The following ZFAND3 variants were observed in gnomAD, a reference collection of about 807,000 sequenced individuals.
The protein encoded by ZFAND3 is zinc finger AN1-type containing 3.
A neutral mutation model predicts 29.6 loss-of-function variants in ZFAND3; 10 were observed. That is an observed-to-expected ratio of 0.34 (90% CI 0.21 to 0.57). The LOEUF is 0.57. Among genes scored for constraint, ZFAND3 ranks in the 20% least tolerant of loss-of-function variants. ZFAND3 has a pLI of 0.86. For synonymous variants in ZFAND3, 128 were observed against 112.6 expected (o/e 1.14, Z -0.87); for missense variants, 230 against 304.5 (o/e 0.76, Z 1.82).
chr6:37,865,135 G>A (rs1042336790), intron 1 of ZFAND3, among the ~76,000 whole-genome samples: 4 of 152,114 alleles, frequency 2.6e-5, no homozygotes, highest in Non-Finnish European at 5.9e-5. Context: ...CCGATAGCGT[G>A]CCACTGCACT....
chr6:37,948,069 A>C (rs541302675), intron 2 of ZFAND3, among the ~76,000 whole-genome samples: 70 of 152,292 alleles, frequency 4.6e-4, no homozygotes, highest in African/African-American at 1.6e-3. Context: ...AAGAAAGTGC[A>C]TTCTGCTGTT....
intron 1 of ZFAND3, among the ~76,000 whole-genome samples, chr6:37,914,937 T>C (rs887791575): frequency 1.3e-5 from 2 of 152,174 alleles, no homozygotes; most frequent in Admixed American, 6.6e-5. Context: ...AAGCCCAGCA[T>C]TGACTTATCC....
intron 2 of ZFAND3, among the ~76,000 whole-genome samples, chr6:38,022,466 G>C (rs2127447899): frequency 6.6e-6 from 1 of 152,324 alleles, no homozygotes; most frequent in Middle Eastern, 3.4e-3. Context: ...CCTTGCAACA[G>C]AAATAAGTCA....
At chr6:38,112,743 A>G (rs1487255104) in intron 4 of ZFAND3, among the ~76,000 whole-genome samples, 1 of 152,120 alleles carries the variant, frequency 6.6e-6, no homozygotes, top group Non-Finnish European at 1.5e-5. Flanking sequence ...ATTCATTATC[A>G]TGTCGTTAGA....
chr6:37,891,734 T>C (rs1765106789), intron 1 of ZFAND3, among the ~76,000 whole-genome samples: 1 of 152,184 alleles, frequency 6.6e-6, no homozygotes, highest in Non-Finnish European at 1.5e-5. Context: ...CATTATTCTT[T>C]TTTGTTGTTG....
At chr6:37,848,509 C>T (rs1581706139) in intron 1 of ZFAND3, among the ~76,000 whole-genome samples, 1 of 152,304 alleles carries the variant, frequency 6.6e-6, no homozygotes, top group Non-Finnish European at 1.5e-5. Context: ...GTTATTCTGC[C>T]TATGTGCACT....
At chr6:37,822,737 G>A (rs1295755326) in intron 1 of ZFAND3, among the ~76,000 whole-genome samples, 1 of 152,204 alleles carries the variant, frequency 6.6e-6, no homozygotes, top group Non-Finnish European at 1.5e-5. Flanking sequence ...AGGAAGGGTA[G>A]AAGTAGAGTA....
intron 2 of ZFAND3, among the ~76,000 whole-genome samples, chr6:38,026,360 C>T (rs555596321): frequency 6.6e-6 from 1 of 151,202 alleles, no homozygotes; most frequent in African/African-American, 2.4e-5. Context: ...GATTACTTAG[C>T]CTTGACATTC....
chr6:38,054,306 G>A (rs1288634391), intron 2 of ZFAND3, among the ~76,000 whole-genome samples: 3 of 150,160 alleles, frequency 2.0e-5, no homozygotes, highest in East Asian at 2.0e-4. Context: ...AGGTGGGAGC[G>A]TCACTTGGGC....
At chr6:37,822,710 C>G (rs933213651) in intron 1 of ZFAND3, among the ~76,000 whole-genome samples, 1 of 152,144 alleles carries the variant, frequency 6.6e-6, no homozygotes, top group African/African-American at 2.4e-5. Flanking sequence ...GAAAGTGACA[C>G]TTTAGCCTAG....
At chr6:37,927,712 C>G (rs1761514810) in intron 1 of ZFAND3, among the ~76,000 whole-genome samples, 1 of 152,326 alleles carries the variant, frequency 6.6e-6, no homozygotes, top group Non-Finnish European at 1.5e-5. Flanking sequence ...TGTGCTTCTT[C>G]TAGATGAGAA....
rs147655531 is a variant in ZFAND3 at position 38,119,026 on chromosome 6, C to T, written c.529+2287C>T. 1.6e-3 allele frequency among the ~76,000 whole-genome samples: 241 copies of T among 152,264 alleles called. 5 individuals carry two copies. The East Asian group carries it at 0.045, about 29-fold the overall frequency. On this transcript the variant is annotated intron_variant, in intron 5 of 5. Coordinates refer to ENST00000287218, the MANE Select transcript of ZFAND3 (RefSeq NM_021943.3). ...ACTTTTTCTGTTGGAGAAGAAAGCCCTGAGCTTTCTGCAGTCTCAACAGGA... is the reference window on the plus strand; with the variant it reads ...ACTTTTTCTGTTGGAGAAGAAAGCCTTGAGCTTTCTGCAGTCTCAACAGGA...
At chr6:37,937,750 G>C (rs1476869810) in intron 2 of ZFAND3, among the ~76,000 whole-genome samples, 1 of 150,482 alleles carries the variant, frequency 6.6e-6, no homozygotes, top group East Asian at 2.0e-4. Context: ...TTTTTGACTT[G>C]ATTGCTTTTG....
intron 1 of ZFAND3, among the ~76,000 whole-genome samples, chr6:37,834,068 T>C (rs992341691): frequency 6.6e-6 from 1 of 152,146 alleles, no homozygotes; most frequent in Non-Finnish European, 1.5e-5. Flanking sequence ...GGTGGTGGTA[T>C]ATTCAGTGGA....
In ZFAND3 at chr6:37,934,947, C is replaced by T. The variant is rs542642392; in HGVS notation, c.112+4948C>T. On this transcript the variant is annotated intron_variant, in intron 2 of 5. Transcript: ENST00000287218. ...TTATTTTTCTACCTTCCCCGTCAGT[C>T]CCCCTTTCACATATTCTGTATTTTC... Among the ~76,000 whole-genome samples the T allele has an allele frequency of 7.2e-5, 11 of 151,848 alleles. 2 individuals are homozygous for T. The South Asian group carries it at 1.7e-3, about 23-fold the overall frequency.
At chr6:37,828,004 T>C (rs1763790533) in intron 1 of ZFAND3, among the ~76,000 whole-genome samples, 1 of 152,322 alleles carries the variant, frequency 6.6e-6, no homozygotes, top group African/African-American at 2.4e-5. Flanking sequence ...TAGGACCTTT[T>C]TGGGAGTGTC....
chr6:37,820,637 T>G (rs150098837), intron 1 of ZFAND3, among the ~76,000 whole-genome samples: 2 of 152,176 alleles, frequency 1.3e-5, no homozygotes, highest in South Asian at 4.1e-4. Context: ...TCAGGAGATA[T>G]GTAAAATTTC....
chr6:38,111,361 T>C (rs1765312370), intron 4 of ZFAND3, among the ~76,000 whole-genome samples: 1 of 152,252 alleles, frequency 6.6e-6, no homozygotes, highest in African/African-American at 2.4e-5. Flanking sequence ...TAATACAGTA[T>C]AACAACTATT....
chr6:38,036,056 CCTCT>C, intron 2 of ZFAND3, among the ~76,000 whole-genome samples: 1 of 152,250 alleles, frequency 6.6e-6, no homozygotes, highest in East Asian at 1.9e-4. Context: ...TTCAGGGTCC[CCTCT>C]CTCCCAGACT....
Sources: allele counts gnomAD v4.1 joint callset (sites outside exome capture counted in the v4.1 genomes callset), GRCh38; gene constraint gnomAD v4.1.1; transcripts MANE v1.5; gene names NCBI Gene and HGNC (gene_info 2026-07-23, HGNC 2026-07-21).